The following PARP16 variants were observed in gnomAD, a reference collection of about 807,000 sequenced individuals.
The protein encoded by PARP16 is poly(ADP-ribose) polymerase family member 16.
A neutral mutation model predicts 35.0 loss-of-function variants in PARP16; 31 were observed. The ratio of observed to expected loss-of-function variants is 0.88; its 90% CI spans 0.66 to 1.19. The LOEUF is 1.19. Ranked by LOEUF, PARP16 falls within the 50% of genes most tolerant of loss-of-function variation. The probability of loss-of-function intolerance (pLI) is 0.00; values close to 1 mark genes in which losing one functional copy is unlikely to be tolerated. For missense variants in PARP16, 424 were observed against 411.2 expected (o/e 1.03, Z -0.27); for synonymous variants, 162 against 169.5 (o/e 0.96, Z 0.34).
intron 1 of PARP16, among the ~76,000 whole-genome samples, chr15:65,274,247 T>G (rs1224962928): frequency 1.3e-5 from 1 of 75,812 alleles, no homozygotes; most frequent in Non-Finnish European, 3.6e-5. Flanking sequence ...CCCAGCATAC[T>G]TTTTTTTTTT....
At chr15:65,264,343 C>T (rs2089827225) in intron 3 of PARP16, among the ~76,000 whole-genome samples, 1 of 152,222 alleles carries the variant, frequency 6.6e-6, no homozygotes, top group Non-Finnish European at 1.5e-5. Flanking sequence ...GTAGCTGCGA[C>T]CAATGGATGG....
intron 2 of PARP16, 39 bp from the exon 3 acceptor site, chr15:65,266,807 G>C (rs2089907952): frequency 1.4e-6 from 2 of 1,463,086 alleles, no homozygotes; most frequent in African/African-American, 1.4e-5. Context: ...TATTTGGGGA[G>C]CTGGTAAATG....
At chr15:65,249,040 G>A (rs2089287381) in intron 2 of PARP16, among the ~76,000 whole-genome samples, 1 of 152,140 alleles carries the variant, frequency 6.6e-6, no homozygotes, top group Admixed American at 6.6e-5. Context: ...TGCTTCCTTA[G>A]GAAACCGCTC....
chr15:65,253,218 T>G (rs1268447883), downstream of PARP16, among the ~76,000 whole-genome samples: 3 of 151,944 alleles, frequency 2.0e-5, no homozygotes, highest in African/African-American at 7.3e-5. Context: ...GTATTTCTGG[T>G]GACATCGCAA....
chr15:65,253,081 C>T (rs978561610), intron 2 of PARP16, among the ~76,000 whole-genome samples: 6 of 149,734 alleles, frequency 4.0e-5, no homozygotes, highest in African/African-American at 1.2e-4. Context: ...AGCGGTGAGC[C>T]GAGATTGCAC....
At chr15:65,273,685 C>A (rs1275781879) in intron 1 of PARP16, among the ~76,000 whole-genome samples, 2 of 151,900 alleles carry the variant, frequency 1.3e-5, no homozygotes, top group African/African-American at 4.8e-5. Flanking sequence ...TTGAACCAGC[C>A]TGACCAGCAT....
intron 3 of PARP16, among the ~76,000 whole-genome samples, chr15:65,244,074 G>A (rs1161106951): frequency 1.3e-5 from 2 of 152,104 alleles, no homozygotes. Context: ...CCTTGGCATT[G>A]CCTTTCTCCA....
At chr15:65,270,381 C>T (rs1392426354) in intron 2 of PARP16, among the ~76,000 whole-genome samples, 1 of 152,132 alleles carries the variant, frequency 6.6e-6, no homozygotes, top group East Asian at 1.9e-4. Flanking sequence ...AAAGGAGGCC[C>T]TTTTCGATAG....
chr15:65,244,914 G>A (rs2089168483), intron 3 of PARP16, among the ~76,000 whole-genome samples: 1 of 152,178 alleles, frequency 6.6e-6, no homozygotes, highest in Admixed American at 6.5e-5. Flanking sequence ...CTGTGGGGTT[G>A]GTCTGTATGA....
intron 1 of PARP16, among the ~76,000 whole-genome samples, chr15:65,280,917 A>G (rs1462714519): frequency 6.6e-6 from 1 of 152,218 alleles, no homozygotes; most frequent in Non-Finnish European, 1.5e-5. Flanking sequence ...TTCAGACTTC[A>G]CTATGTGTAC....
At chr15:65,282,520 G>A (rs2140979649) in intron 1 of PARP16, 1 of 152,336 alleles carries the variant, frequency 6.6e-6, no homozygotes, top group Middle Eastern at 3.4e-3. Flanking sequence ...ATGTATGCAT[G>A]TCCCCAGAAA....
chr15:65,276,535 A>G (rs2090261118), intron 1 of PARP16, among the ~76,000 whole-genome samples: 1 of 152,038 alleles, frequency 6.6e-6, no homozygotes, highest in Non-Finnish European at 1.5e-5. Flanking sequence ...CATCATGCCC[A>G]GCTAATTTTT....
Position 65,286,327 on chromosome 15 carries a change from A to G in PARP16, c.100T>C (p.Tyr34His). 1 of 1,605,180 alleles carries G rather than the reference A, an allele frequency of 6.2e-7. No individual in the cohort carries two copies. Among genetic ancestry groups the G allele is most frequent in the Non-Finnish European group, 8.5e-7 (1 of 1,177,018 alleles). ...GGCCGCAGCACCGAGTCGCGCTTGTAGCTCTGCAGGGCCGAGGCGAAGAGG... is the reference window on the plus strand; with the variant it reads ...GGCCGCAGCACCGAGTCGCGCTTGTGGCTCTGCAGGGCCGAGGCGAAGAGG... ...CSLFASALQS[Y>H]KRDSVLRPFP... The change falls in exon 1 of 6, where the codon TAC becomes CAC. Residue 34 changes from tyrosine (Y) to histidine (H), a missense_variant. Physicochemically the swap from Tyr to His is moderately conservative, Grantham distance 83. Coordinates refer to ENST00000649807, the MANE Select transcript of PARP16 (RefSeq NM_001316943.2).
chr15:65,267,433 C>T (rs2089933863), intron 2 of PARP16, among the ~76,000 whole-genome samples: 1 of 150,920 alleles, frequency 6.6e-6, no homozygotes, highest in African/African-American at 2.4e-5. Flanking sequence ...CGGTGAAACC[C>T]CGTCTCTACT....
chr15:65,266,301 C>T (rs891636285), intron 3 of PARP16, among the ~76,000 whole-genome samples: 1 of 151,950 alleles, frequency 6.6e-6, no homozygotes, highest in African/African-American at 2.4e-5. Context: ...AAACTATAAC[C>T]AGTGCAGGAA....
chr15:65,266,192 C>T (rs2089885574), intron 3 of PARP16, among the ~76,000 whole-genome samples: 1 of 152,184 alleles, frequency 6.6e-6, no homozygotes, highest in Non-Finnish European at 1.5e-5. Flanking sequence ...CAGGCGTGAG[C>T]CACTGCGCCA....
At chr15:65,237,780 C>A (rs2088927098) in intron 3 of PARP16, among the ~76,000 whole-genome samples, 1 of 152,202 alleles carries the variant, frequency 6.6e-6, no homozygotes, top group Non-Finnish European at 1.5e-5. Flanking sequence ...TTGTTCTAAG[C>A]TGCCCAGTCT....
chr15:65,266,677 T>C lies in PARP16; in HGVS notation c.404A>G (p.Asn135Ser), dbSNP rs2089902027. ...LFEIEYFDPA[N>S]AKFYETKGER... ...TCCTTTGGTCTCATAAAATTTGGCG[T>C]TGGCTGGGTCAAAGTACTCAATTTC... Residue 135 changes from asparagine to serine, a missense_variant, in exon 3 of 6, where the codon AAC (asparagine) becomes AGC (serine). Asn to Ser is a conservative substitution (Grantham distance 46). Coordinates refer to ENST00000649807, the MANE Select transcript of PARP16 (RefSeq NM_001316943.2). 8 of 1,614,168 alleles carry C rather than the reference T, an allele frequency of 5.0e-6. No homozygotes were observed. Among genetic ancestry groups the C allele is most frequent in the East Asian group, 2.2e-5 (1 of 44,886 alleles).
At chr15:65,265,906 T>C (rs932885088) in intron 3 of PARP16, among the ~76,000 whole-genome samples, 2 of 152,200 alleles carry the variant, frequency 1.3e-5, no homozygotes, top group African/African-American at 2.4e-5. Flanking sequence ...GCCAGGCATC[T>C]GGGATTTTTT....
Sources: gnomAD v4.1 joint callset for allele counts (sites outside exome capture counted in the v4.1 genomes callset) on GRCh38, gnomAD v4.1.1 for gene constraint, MANE v1.5 for transcripts, NCBI Gene and HGNC (gene_info 2026-07-23, HGNC 2026-07-21) for gene names.